TTC6: variants seen among roughly 807,000 people sequenced by gnomAD.
TTC6 encodes the protein tetratricopeptide repeat domain 6.
TTC6 carries 172 observed loss-of-function variants against 210.4 expected under a neutral mutation model. The ratio of observed to expected loss-of-function variants is 0.82; its 90% CI spans 0.72 to 0.93. The LOEUF (loss-of-function observed/expected upper bound fraction) is 0.93, where lower values mean the gene tolerates loss of function less well. TTC6 is among the 40% of genes least tolerant of loss of function. The probability of loss-of-function intolerance (pLI) is 0.00; values close to 1 mark genes in which losing one functional copy is unlikely to be tolerated. For missense variants in TTC6, 2,414 were observed against 2,318.1 expected (o/e 1.04, Z -0.85); for synonymous variants, 804 against 819.6 (o/e 0.98, Z 0.32).
chr14:37,739,364 G>A (rs12897309), intron 10 of TTC6, among the ~76,000 whole-genome samples: 6,782 of 151,846 alleles, frequency 0.045, 231 homozygotes, highest in Non-Finnish European at 0.07. Context: ...ATCAACTGAA[G>A]TCAGGAGTTC....
intron 14 of TTC6, among the ~76,000 whole-genome samples, chr14:37,773,888 A>C (rs937044030): frequency 2.0e-4 from 31 of 152,114 alleles, no homozygotes; most frequent in African/African-American, 7.2e-4. Flanking sequence ...TCTATCCATG[A>C]GCATGGAATG....
exon 1 of TTC6, chr14:37,595,910 A>T (rs375208437): frequency 3.3e-5 from 5 of 152,220 alleles, no homozygotes; most frequent in African/African-American, 1.2e-4. Flanking sequence ...AAACCGGGTC[A>T]TCTGAGTCAG....
chr14:37,667,473 T>C (rs1566875241), intron 1 of TTC6, among the ~76,000 whole-genome samples: 1 of 150,384 alleles, frequency 6.6e-6, no homozygotes, highest in Non-Finnish European at 1.5e-5. Flanking sequence ...CTTCATTCAT[T>C]GGGATGTTTT....
chr14:37,718,140 C>T (rs1396682736), intron 6 of TTC6, among the ~76,000 whole-genome samples: 5 of 152,128 alleles, frequency 3.3e-5, no homozygotes, highest in African/African-American at 9.7e-5. Flanking sequence ...TAAGACAACT[C>T]CTTATAAATA....
At chr14:37,759,936 G>A (rs779950454) in intron 14 of TTC6, among the ~76,000 whole-genome samples, 53 of 152,080 alleles carry the variant, frequency 3.5e-4, no homozygotes, top group Non-Finnish European at 6.2e-4. Context: ...TCCTTGCATT[G>A]GGTTAGAATA....
At chr14:37,765,253 C>G (rs1291851561) in intron 14 of TTC6, among the ~76,000 whole-genome samples, 3 of 151,710 alleles carry the variant, frequency 2.0e-5, no homozygotes, top group Non-Finnish European at 2.9e-5. Context: ...GTCTTGAACT[C>G]CTAGGCTCAA....
At chr14:37,749,838 A>G in exon 12 of TTC6, 1 of 1,388,810 alleles carries the variant, frequency 7.2e-7, no homozygotes, top group Non-Finnish European at 9.3e-7. Flanking sequence ...AATAAAAATA[A>G]TACAGGTGGG....
intron 1 of TTC6, among the ~76,000 whole-genome samples, chr14:37,602,454 C>T (rs2095617465): frequency 6.6e-6 from 1 of 152,122 alleles, no homozygotes; most frequent in Non-Finnish European, 1.5e-5. Flanking sequence ...ATTTTTTCAT[C>T]CTTAAATTTT....
chr14:37,713,221 A>G (rs1481595403), intron 5 of TTC6, among the ~76,000 whole-genome samples: 4 of 152,208 alleles, frequency 2.6e-5, no homozygotes, highest in East Asian at 3.9e-4. Context: ...AGAACTCAAC[A>G]TTGTCATGAC....
intron 14 of TTC6, among the ~76,000 whole-genome samples, chr14:37,782,383 G>A (rs1406466089): frequency 6.6e-6 from 1 of 152,092 alleles, no homozygotes; most frequent in Non-Finnish European, 1.5e-5. Context: ...TATTCTCTTT[G>A]AAGCAATTGT....
rs1018746571 is a variant in TTC6 at position 37,598,775 on chromosome 14, G to A, written c.-235+2767G>A. Among the ~76,000 whole-genome samples the A allele has an allele frequency of 3.3e-5, 5 of 152,174 alleles. No homozygotes were observed. Among genetic ancestry groups the A allele is most frequent in the Non-Finnish European group, 1.5e-5 (1 of 68,040 alleles). On this transcript the variant is annotated intron_variant, in intron 1 of 2. Transcript: ENST00000556845. The surrounding 1 kb of genome is among the most constrained non-coding windows in gnomAD (Gnocchi z 4.9). ...GGGCCTGGGCCGGCGGGGCTCTGCG[G>A]TGCCCATTCGAGTCTCTCCAGGGCT...
At chr14:37,784,398 C>G (rs1279221240) in intron 14 of TTC6, among the ~76,000 whole-genome samples, 1 of 152,158 alleles carries the variant, frequency 6.6e-6, no homozygotes, top group East Asian at 1.9e-4. Flanking sequence ...GTCTTTTGAT[C>G]TTTGTTGGTT....
chr14:37,687,130 T>A (rs776723067), intron 3 of TTC6, among the ~76,000 whole-genome samples: 1 of 152,068 alleles, frequency 6.6e-6, no homozygotes, highest in Non-Finnish European at 1.5e-5. Flanking sequence ...CCTGACCCGT[T>A]GGCAGCAGAG....
intron 1 of TTC6, among the ~76,000 whole-genome samples, chr14:37,666,786 A>C (rs1217612892): frequency 6.7e-6 from 1 of 150,286 alleles, no homozygotes; most frequent in Non-Finnish European, 1.5e-5. Context: ...GGTCCACAGC[A>C]ATTCAGGGCT....
intron 1 of TTC6, among the ~76,000 whole-genome samples, chr14:37,638,042 A>G (rs375880723): frequency 6.6e-6 from 1 of 152,176 alleles, no homozygotes; most frequent in Non-Finnish European, 1.5e-5. Context: ...AAATGTTCCT[A>G]GTGGCTTTTT....
chr14:37,652,804 C>T (rs1016367166), intron 1 of TTC6, among the ~76,000 whole-genome samples: 6 of 152,172 alleles, frequency 3.9e-5, no homozygotes, highest in African/African-American at 1.4e-4. Flanking sequence ...CTAGCACCCA[C>T]CCCTACCCAT....
intron 3 of TTC6, among the ~76,000 whole-genome samples, chr14:37,687,116 C>T (rs1455707381): frequency 6.6e-6 from 1 of 152,062 alleles, no homozygotes; most frequent in Admixed American, 6.6e-5. Context: ...TGACACCACC[C>T]CTCCCTGACC....
intron 1 of TTC6, among the ~76,000 whole-genome samples, chr14:37,673,155 C>A (rs2095761809): frequency 6.6e-6 from 1 of 151,952 alleles, no homozygotes; most frequent in Non-Finnish European, 1.5e-5. Flanking sequence ...TCACCCAGAA[C>A]AATCATATAA....
At chr14:37,806,101 A>G (rs973012089) in intron 21 of TTC6, among the ~76,000 whole-genome samples, 3 of 152,210 alleles carry the variant, frequency 2.0e-5, no homozygotes, top group African/African-American at 4.8e-5. Flanking sequence ...AATAATTAAA[A>G]TTATACCACC....
Sources: gnomAD v4.1 joint callset for allele counts (sites outside exome capture counted in the v4.1 genomes callset) on GRCh38, gnomAD v4.1.1 for gene constraint, Gnocchi (gnomAD v3.1) non-coding constraint, MANE v1.5 for transcripts, NCBI Gene and HGNC (gene_info 2026-07-23, HGNC 2026-07-21) for gene names.